The following VPS13D variants were observed in gnomAD, a reference collection of about 807,000 sequenced individuals.
The protein encoded by VPS13D is vacuolar protein sorting 13 homolog D, also known as intermembrane lipid transfer protein VPS13D.
VPS13D carries 187 observed loss-of-function variants against 461.9 expected under a neutral mutation model. The observed-to-expected ratio is 0.40, with a 90% CI of 0.36 to 0.46. VPS13D has a LOEUF of 0.46. Ranked by LOEUF, VPS13D falls within the 20% of genes least tolerant of loss-of-function variation. The probability of loss-of-function intolerance (pLI) is 0.60; values close to 1 mark genes in which losing one functional copy is unlikely to be tolerated. For synonymous variants in VPS13D, 1,951 were observed against 1,986.3 expected (o/e 0.98, Z 0.47); for missense variants, 4,711 against 5,364.9 (o/e 0.88, Z 3.81).
intron 65 of VPS13D, among the ~76,000 whole-genome samples, chr1:12,423,052 C>T (rs1292193295): frequency 2.6e-5 from 4 of 152,066 alleles, no homozygotes; most frequent in South Asian, 2.1e-4. Flanking sequence ...TGGTGCCCAC[C>T]GTCATTCTCG....
At chr1:12,405,133 TGTC>T (rs1644635073) in intron 63 of VPS13D, among the ~76,000 whole-genome samples, 1 of 152,188 alleles carries the variant, frequency 6.6e-6, no homozygotes, top group Non-Finnish European at 1.5e-5. Context: ...ACCGGGGTGG[TGTC>T]GTGTCTGCCC....
chr1:12,450,569 G>A (rs577435318), intron 65 of VPS13D, among the ~76,000 whole-genome samples: 28 of 152,288 alleles, frequency 1.8e-4, no homozygotes, highest in Admixed American at 7.8e-4. Flanking sequence ...CATGTGATCC[G>A]ATTCTGTCGC....
intron 26 of VPS13D, among the ~76,000 whole-genome samples, chr1:12,306,018 C>A (rs1429930321): frequency 6.6e-6 from 1 of 151,882 alleles, no homozygotes; most frequent in African/African-American, 2.4e-5. Flanking sequence ...GAGTCTCACT[C>A]TGTTGCCCAG....
intron 50 of VPS13D, among the ~76,000 whole-genome samples, chr1:12,359,471 C>T (rs927031518): frequency 2.0e-5 from 3 of 152,070 alleles, no homozygotes; most frequent in Non-Finnish European, 4.4e-5. Flanking sequence ...AGAAGTAAGG[C>T]AAGTATGGCT....
chr1:12,278,481 G>T (rs1237320944), intron 19 of VPS13D, among the ~76,000 whole-genome samples: 1 of 152,100 alleles, frequency 6.6e-6, no homozygotes, highest in Non-Finnish European at 1.5e-5. Context: ...CACCATGTTG[G>T]CCAGGCTGGT....
chr1:12,248,570 CTT>C (rs1425129961), intron 5 of VPS13D, among the ~76,000 whole-genome samples: 1 of 152,192 alleles, frequency 6.6e-6, no homozygotes, highest in Non-Finnish European at 1.5e-5. Flanking sequence ...GTCTCTAACT[CTT>C]GGGTTCAAGT....
chr1:12,260,576 G>A (rs896729397), intron 10 of VPS13D, 117 bp from the exon 11 acceptor site: 8 of 771,258 alleles, frequency 1.0e-5, no homozygotes, highest in South Asian at 1.6e-5. Flanking sequence ...CAGTGGAAAT[G>A]CAGGGGACCA....
chr1:12,437,181 TC>T (rs1645073622), intron 65 of VPS13D, among the ~76,000 whole-genome samples: 1 of 152,168 alleles, frequency 6.6e-6, no homozygotes, highest in African/African-American at 2.4e-5. Flanking sequence ...ACCAAACTGT[TC>T]TTTCTGACCA....
intron 35 of VPS13D, among the ~76,000 whole-genome samples, chr1:12,326,990 T>C (rs980822782): frequency 1.3e-5 from 2 of 152,074 alleles, no homozygotes; most frequent in Non-Finnish European, 2.9e-5. Flanking sequence ...CATCAGTAAT[T>C]AATATGATAA....
chr1:12,317,478 G>T (rs1642920341), intron 30 of VPS13D, among the ~76,000 whole-genome samples: 2 of 151,780 alleles, frequency 1.3e-5, no homozygotes, highest in South Asian at 4.2e-4. Flanking sequence ...TTATTATGGG[G>T]CTGTCCTGTA....
rs1459009781 is a variant in VPS13D at position 12,311,359 on chromosome 1, G to A, written c.6651-95G>A. On this transcript the variant is annotated intron_variant, in intron 27 of 69. Transcript: ENST00000620676. Reference sequence around the variant, plus strand: ...TAGGAATTACCTACTTGATAATGTAGGTGAGTACATTTTAGCCCCGTTGTT... The same window carrying A: ...TAGGAATTACCTACTTGATAATGTAAGTGAGTACATTTTAGCCCCGTTGTT... 3.4e-6 allele frequency: 4 copies of A among 1,169,438 alleles called. No individual in the cohort carries two copies. The Admixed American group carries it at 1.1e-4, about 31-fold the overall frequency. The allele number at this position is 1,169,438 out of a possible 1,614,324, so 72.4% of individuals were successfully genotyped here. A position where few individuals can be genotyped will look rare whatever the true frequency, so the allele number is the denominator to read the frequency against.
chr1:12,261,793 AG>A, intron 12 of VPS13D, 107 bp from the exon 13 acceptor site: 1 of 991,642 alleles, frequency 1.0e-6, no homozygotes, highest in Non-Finnish European at 1.4e-6. Flanking sequence ...TTCTTAACAA[AG>A]GGAAAAATAG....
intron 27 of VPS13D, among the ~76,000 whole-genome samples, chr1:12,310,940 AG>A (rs1252874710): frequency 8.1e-6 from 1 of 123,790 alleles, no homozygotes; most frequent in Non-Finnish European, 1.7e-5. Context: ...TCCCTCCCAC[AG>A]GGTCTCACTC....
At chr1:12,365,348 G>A (rs1295594709) in intron 52 of VPS13D, among the ~76,000 whole-genome samples, 1 of 152,128 alleles carries the variant, frequency 6.6e-6, no homozygotes, top group Admixed American at 6.5e-5. Context: ...TTGTAGTATT[G>A]ACATCTTAAA....
At chr1:12,237,541 G>A (rs1017875127) in intron 2 of VPS13D, among the ~76,000 whole-genome samples, 1 of 149,662 alleles carries the variant, frequency 6.7e-6, no homozygotes, top group East Asian at 2.0e-4. Context: ...TATTGAGGTC[G>A]GGTGTGGTGC....
At chr1:12,421,217 A>G (rs1450910721) in intron 65 of VPS13D, among the ~76,000 whole-genome samples, 1 of 152,168 alleles carries the variant, frequency 6.6e-6, no homozygotes, top group East Asian at 1.9e-4. Context: ...CATCTAACCC[A>G]TGACTCCCCT....
At chr1:12,311,408 A>G in intron 27 of VPS13D, 46 bp from the exon 28 acceptor site, 1 of 1,556,524 alleles carries the variant, frequency 6.4e-7, no homozygotes, top group Admixed American at 1.9e-5. Context: ...TGTCAGTGTT[A>G]AGTTAGTGAC....
intron 68 of VPS13D, chr1:12,499,446 C>G (rs1646006227): frequency 1.0e-6 from 1 of 985,308 alleles, no homozygotes; most frequent in Non-Finnish European, 1.2e-6. Flanking sequence ...TCAAGTCGAA[C>G]TATCTCTGGT....
At position 12,311,816 on chromosome 1, in the gene VPS13D, G is replaced by C; in HGVS notation, c.6826G>C (p.Val2276Leu). Reference sequence around the variant, plus strand: ...GACGAGCATTTTCCTTTTGTAGACTGTCCTGAGTGGAGAAGTGTACACCTG... The same window carrying C: ...GACGAGCATTTTCCTTTTGTAGACTCTCCTGAGTGGAGAAGTGTACACCTG... ...YDLQDPRIHT[V>L]LSGEVYTCMC... Residue 2276 changes from valine (V) to leucine (L), a missense_variant, in exon 29 of 70, where the codon GTC becomes CTC. Coordinates refer to ENST00000620676, the MANE Select transcript of VPS13D (RefSeq NM_015378.4). 1 of 1,613,914 alleles carries C rather than the reference G, an allele frequency of 6.2e-7. No homozygotes were observed. Among genetic ancestry groups the C allele is most frequent in the Non-Finnish European group, 8.5e-7 (1 of 1,179,836 alleles).
Sources: gnomAD v4.1 joint callset for allele counts (sites outside exome capture counted in the v4.1 genomes callset) on GRCh38, gnomAD v4.1.1 for gene constraint, MANE v1.5 for transcripts, NCBI Gene and HGNC (gene_info 2026-07-23, HGNC 2026-07-21) for gene names.